Variants in GLIS1 observed in about 807,000 individuals in gnomAD.
GLIS1 encodes GLIS family zinc finger 1, also known as zinc finger protein GLIS1.
A neutral mutation model predicts 63.8 loss-of-function variants in GLIS1; 24 were observed. The observed-to-expected ratio is 0.38, with a 90% CI of 0.27 to 0.53. The LOEUF (loss-of-function observed/expected upper bound fraction) is 0.53. Among genes scored for constraint, GLIS1 ranks in the 20% least tolerant of loss-of-function variants. GLIS1 has a pLI of 0.85. For missense variants in GLIS1, 1,036 were observed against 1,074.1 expected, an observed-to-expected ratio of 0.96 and a Z score of 0.50; for synonymous variants, 450 against 482.5, an observed-to-expected ratio of 0.93 and a Z score of 0.88.
At chr1:53,713,685 C>T (rs1035911466) in intron 2 of GLIS1, among the ~76,000 whole-genome samples, 1 of 152,106 alleles carries the variant, frequency 6.6e-6, no homozygotes, top group Admixed American at 6.5e-5. Context: ...TCGCTTGAGC[C>T]CAGGAAGTTG....
intron 2 of GLIS1, among the ~76,000 whole-genome samples, chr1:53,628,923 A>G (rs2100233887): frequency 6.6e-6 from 1 of 152,280 alleles, no homozygotes; most frequent in South Asian, 2.1e-4. Flanking sequence ...TTCCATCCAC[A>G]GCAGTGGGTC....
Position 53,547,070 on chromosome 1 carries a change from C to T in GLIS1, c.1321-17118G>A, listed in dbSNP as rs369086427. Among the ~76,000 whole-genome samples the T allele has an allele frequency of 2.6e-5, 4 of 152,224 alleles. No individual in the cohort carries two copies. In the South Asian group the frequency reaches 6.2e-4, roughly 24 times the overall value. On this transcript the variant is annotated intron_variant, in intron 4 of 10. Transcript: ENST00000628545. Reference sequence around the variant, plus strand: ...TGCTTGCTGACTGCAACGCTGTGCTCGATCAGGGTTAGCCACCCTTGTTTC... The same window carrying T: ...TGCTTGCTGACTGCAACGCTGTGCTTGATCAGGGTTAGCCACCCTTGTTTC...
intron 2 of GLIS1, among the ~76,000 whole-genome samples, chr1:53,714,177 A>C (rs1310580476): frequency 6.6e-6 from 1 of 152,222 alleles, no homozygotes; most frequent in Non-Finnish European, 1.5e-5. Context: ...AATCAGAGGA[A>C]CCACAAGCTC....
intron 2 of GLIS1, among the ~76,000 whole-genome samples, chr1:53,720,233 T>C (rs1457690118): frequency 6.6e-6 from 1 of 152,118 alleles, no homozygotes; most frequent in African/African-American, 2.4e-5. Flanking sequence ...CTATTCCCAA[T>C]AGCCAAGAAG....
At chr1:53,715,479 G>T (rs1014136705) in intron 2 of GLIS1, among the ~76,000 whole-genome samples, 1 of 152,138 alleles carries the variant, frequency 6.6e-6, no homozygotes. Context: ...AACAGAGGGC[G>T]GACAGAGGGC....
chr1:53,688,851 G>A (rs1034355892), intron 2 of GLIS1: 8 of 152,212 alleles, frequency 5.3e-5, no homozygotes, highest in African/African-American at 1.9e-4. Context: ...CTTGCCCAAT[G>A]GCAGCGAATT....
chr1:53,661,561 C>A (rs942360781), intron 2 of GLIS1, among the ~76,000 whole-genome samples: 1 of 152,288 alleles, frequency 6.6e-6, no homozygotes, highest in Non-Finnish European at 1.5e-5. Flanking sequence ...AAAGGGGAGG[C>A]GTGGGGAGGA....
chr1:53,533,048 C>A (rs1179119764), intron 4 of GLIS1, among the ~76,000 whole-genome samples: 1 of 152,268 alleles, frequency 6.6e-6, no homozygotes, highest in Non-Finnish European at 1.5e-5. Flanking sequence ...TCTGAACAGT[C>A]CTGAATTCTG....
chr1:53,576,839 A>G (rs1371400440), intron 4 of GLIS1, among the ~76,000 whole-genome samples: 2 of 152,084 alleles, frequency 1.3e-5, no homozygotes, highest in Non-Finnish European at 2.9e-5. Flanking sequence ...TCTGCTGTGC[A>G]GTCAGTTTTC....
rs541303080 is a variant in GLIS1 at position 53,524,207 on chromosome 1, G to A, written c.1593+570C>T. Among the ~76,000 whole-genome samples, 473 of 152,282 alleles carry A rather than the reference G, an allele frequency of 3.1e-3. 5 individuals carry two copies. Among genetic ancestry groups the A allele is most frequent in the African/African-American group, 0.011 (455 of 41,572 alleles). On this transcript the variant is annotated intron_variant, in intron 6 of 10. Coordinates refer to ENST00000628545, the MANE Select transcript of GLIS1 (RefSeq NM_001367484.1). Reference sequence around the variant, plus strand: ...GTACGTGCCTGGGTGCAGAGCCAGCGGAAGCAAGCCCCGCGGGCCCACTCC... The same window carrying A: ...GTACGTGCCTGGGTGCAGAGCCAGCAGAAGCAAGCCCCGCGGGCCCACTCC...
In GLIS1 at chr1:53,511,399, C is replaced by T. The variant is rs914665324; in HGVS notation, c.1884-1372G>A. ...AGATTTGGAGAGAGGCTGGGGTCTC[C>T]GCATCTGTGCTGTGCCAAGTTCCTC... On this transcript the variant is annotated intron_variant, in intron 8 of 10. Coordinates refer to ENST00000628545, the MANE Select transcript of GLIS1 (RefSeq NM_001367484.1). This position sits in a 1 kb window ranked among gnomAD's most constrained non-coding sequence, Gnocchi z 4.2. Among the ~76,000 whole-genome samples the T allele has an allele frequency of 1.2e-4, 19 of 152,150 alleles. No homozygotes were observed. The highest frequency in any genetic ancestry group is 2.4e-4 in the Non-Finnish European group (16 of 68,034).
At chr1:53,701,866 G>A (rs1028960069) in intron 2 of GLIS1, among the ~76,000 whole-genome samples, 7 of 151,798 alleles carry the variant, frequency 4.6e-5, no homozygotes, top group East Asian at 3.9e-4. Context: ...GGTGGTGGGC[G>A]CCTGTGGTCC....
At chr1:53,525,711 G>T (rs1466801626) in intron 5 of GLIS1, among the ~76,000 whole-genome samples, 1 of 151,756 alleles carries the variant, frequency 6.6e-6, no homozygotes, top group Non-Finnish European at 1.5e-5. Flanking sequence ...GAAACCCCTT[G>T]GTGGCTCCCT....
chr1:53,624,745 A>G (rs1336387393), intron 2 of GLIS1, among the ~76,000 whole-genome samples: 1 of 152,172 alleles, frequency 6.6e-6, no homozygotes, highest in Non-Finnish European at 1.5e-5. Flanking sequence ...CACCATTTAG[A>G]AAGTGAAAAG....
intron 2 of GLIS1, among the ~76,000 whole-genome samples, chr1:53,667,862 T>C (rs369886756): frequency 2.0e-5 from 3 of 152,174 alleles, no homozygotes; most frequent in East Asian, 3.9e-4. Flanking sequence ...CTTAATACTA[T>C]TATATTGGCA....
chr1:53,659,378 ATCACTAGTTGTCC>A, intron 2 of GLIS1, among the ~76,000 whole-genome samples: 1 of 152,318 alleles, frequency 6.6e-6, no homozygotes, highest in African/African-American at 2.4e-5. Flanking sequence ...TGAGATGCCC[ATCACTAGTTGTCC>A]ATTCAGCAAC....
chr1:53,647,851 T>C (rs1645862881), intron 2 of GLIS1, among the ~76,000 whole-genome samples: 1 of 152,106 alleles, frequency 6.6e-6, no homozygotes, highest in African/African-American at 2.4e-5. Context: ...GAAGATCTTC[T>C]ACACGAAAAA....
chr1:53,577,843 A>C (rs967226094), intron 4 of GLIS1, among the ~76,000 whole-genome samples: 3 of 152,010 alleles, frequency 2.0e-5, no homozygotes, highest in African/African-American at 7.3e-5. Context: ...GTAACTAAGG[A>C]ACCTGGCAGG....
Position 53,560,763 on chromosome 1 carries a change from C to T in GLIS1, c.1321-30811G>A, listed in dbSNP as rs1178396824. 6.6e-6 allele frequency among the ~76,000 whole-genome samples: 1 copy of T among 152,178 alleles called. No homozygotes were observed. The highest frequency in any genetic ancestry group is 1.9e-4 in the East Asian group (1 of 5,186). On this transcript the variant is annotated intron_variant, in intron 4 of 10. Coordinates refer to ENST00000628545, the MANE Select transcript of GLIS1 (RefSeq NM_001367484.1). The surrounding 1 kb of genome is among the most constrained non-coding windows in gnomAD (Gnocchi z 4.4). ...GCCATGGTCTGCTCAGTGGATGCCT[C>T]AGAAGTGGCCCACGACAGTGGCGAT...
Sources: allele counts gnomAD v4.1 joint callset (sites outside exome capture counted in the v4.1 genomes callset), GRCh38; gene constraint gnomAD v4.1.1; non-coding constraint Gnocchi (gnomAD v3.1); transcripts MANE v1.5; gene names NCBI Gene and HGNC (gene_info 2026-07-23, HGNC 2026-07-21).